SCN8A: variants seen among roughly 807,000 people sequenced by gnomAD.
SCN8A encodes the protein sodium channel protein type 8 subunit alpha.
A neutral mutation model predicts 184.1 loss-of-function variants in SCN8A; 30 were observed. The ratio of observed to expected loss-of-function variants is 0.16; its 90% CI spans 0.12 to 0.22. The LOEUF is 0.22. Ranked by LOEUF, SCN8A falls within the 10% of genes least tolerant of loss-of-function variation. The pLI, the probability that SCN8A is intolerant of heterozygous loss-of-function variation, is 1.00. For missense variants in SCN8A, 1,057 were observed against 2,498.9 expected, an observed-to-expected ratio of 0.42 and a Z score of 12.30; for synonymous variants, 852 against 907.0, an observed-to-expected ratio of 0.94 and a Z score of 1.09.
At chr12:51,799,397 A>G (rs1339703016) in intron 26 of SCN8A, among the ~76,000 whole-genome samples, 5 of 152,328 alleles carry the variant, frequency 3.3e-5, no homozygotes, top group African/African-American at 7.2e-5. Context: ...TGGGTGACCC[A>G]TGGTCAAACG....
rs938322848 is a variant in SCN8A, at chr12:51,807,030, T to C, written c.5544T>C (p.Leu1848=). ...ATCGCATCCACTGCTTGGACATCCTTTTTGCCTTCACCAAGCGGGTCCTGG... is the reference window on the plus strand; with the variant it reads ...ATCGCATCCACTGCTTGGACATCCTCTTTGCCTTCACCAAGCGGGTCCTGG... ...SGDRIHCLDI[L]FAFTKRVLGD... The change falls in exon 27 of 27, where the codon CTT becomes CTC. Residue 1848 remains leucine (L), a synonymous_variant. Coordinates refer to ENST00000627620, the MANE Select transcript of SCN8A (RefSeq NM_001330260.2). The surrounding 1 kb of genome is among the most constrained non-coding windows in gnomAD (Gnocchi z 4.5). 6.2e-7 allele frequency: 1 copy of C among 1,613,948 alleles called. No homozygotes were observed. The highest frequency in any genetic ancestry group is 8.5e-7 in the Non-Finnish European group (1 of 1,179,882).
chr12:51,694,416 C>G (rs1407418890), intron 6 of SCN8A, among the ~76,000 whole-genome samples: 1 of 152,196 alleles, frequency 6.6e-6, no homozygotes, highest in Non-Finnish European at 1.5e-5. Flanking sequence ...AATTCTTCAC[C>G]TGCTTCTTAA....
At chr12:51,739,436 G>A (rs890195078) in intron 12 of SCN8A, among the ~76,000 whole-genome samples, 1 of 152,062 alleles carries the variant, frequency 6.6e-6, no homozygotes, top group African/African-American at 2.4e-5. Context: ...TAATAAGGAG[G>A]GGGTGCAGAA....
intron 12 of SCN8A, among the ~76,000 whole-genome samples, chr12:51,744,992 A>G (rs1390400404): frequency 1.3e-5 from 2 of 152,110 alleles, no homozygotes; most frequent in East Asian, 3.9e-4. Flanking sequence ...CCAAGTCTAC[A>G]TGGGTGATAT....
chr12:51,723,632 T>G (rs1238121943), intron 12 of SCN8A, among the ~76,000 whole-genome samples: 1 of 152,218 alleles, frequency 6.6e-6, no homozygotes, highest in Non-Finnish European at 1.5e-5. Context: ...TCCCAGCACC[T>G]TGGGAGGCCA....
intron 1 of SCN8A, among the ~76,000 whole-genome samples, chr12:51,617,168 GC>G (rs1939858246): frequency 6.6e-6 from 1 of 152,078 alleles, no homozygotes; most frequent in South Asian, 2.1e-4. Flanking sequence ...GGAAGTTTTA[GC>G]CATTGTTTCT....
At position 51,807,199 on chromosome 12, in the gene SCN8A, G is replaced by T. The variant is rs1209537535; in HGVS notation, c.5713G>T (p.Ala1905Ser). The change falls in exon 27 of 27, where the codon GCC becomes TCC. Residue 1905 changes from alanine (A) to serine (S), a missense_variant. By Grantham distance (99) the Ala-to-Ser change is moderately conservative. Coordinates refer to ENST00000627620, the MANE Select transcript of SCN8A (RefSeq NM_001330260.2). This position sits in a 1 kb window ranked among gnomAD's most constrained non-coding sequence, Gnocchi z 4.5. ...GGTATCTGCAGTGGTCCTGCAGCGTGCCTACCGGGGACATTTGGCAAGGCG... is the reference window on the plus strand; with the variant it reads ...GGTATCTGCAGTGGTCCTGCAGCGTTCCTACCGGGGACATTTGGCAAGGCG... ...EEVSAVVLQR[A>S]YRGHLARRGF... 1 of 1,613,842 alleles carries T rather than the reference G, an allele frequency of 6.2e-7. No homozygotes were observed. The highest frequency in any genetic ancestry group is 8.5e-7 in the Non-Finnish European group (1 of 1,179,900).
At chr12:51,616,918 CAA>C (rs200949853) in intron 1 of SCN8A, among the ~76,000 whole-genome samples, 26 of 107,278 alleles carry the variant, frequency 2.4e-4, no homozygotes, top group Non-Finnish European at 2.4e-4. Context: ...GACCCTGTCT[CAA>C]AAAAAAAAAA....
At position 51,699,553 on chromosome 12, in the gene SCN8A, G is replaced by A. The variant is rs766625236; in HGVS notation, c.707-17G>A. 6.3e-7 allele frequency: 1 copy of A among 1,596,104 alleles called. No homozygotes were observed. The highest frequency in any genetic ancestry group is 2.2e-5 in the East Asian group (1 of 44,512). The stretch of plus-strand genomic sequence containing the variant: ...GGCTTTGAGGTGCCTCTGATTCCGG[G>A]GATTCTGTCTCCTCAGGCCTGAAGA... On this transcript the variant is annotated splice_polypyrimidine_tract_variant and intron_variant, in intron 6 of 26. Transcript: ENST00000627620.
At chr12:51,696,806 G>A (rs1001220886) in intron 6 of SCN8A, among the ~76,000 whole-genome samples, 2 of 151,978 alleles carry the variant, frequency 1.3e-5, no homozygotes, top group African/African-American at 2.4e-5. Context: ...CAAGGTGGGC[G>A]GACGACCTGA....
At chr12:51,791,343 C>T (rs752111673) in intron 25 of SCN8A, among the ~76,000 whole-genome samples, 1 of 152,178 alleles carries the variant, frequency 6.6e-6, no homozygotes, top group African/African-American at 2.4e-5. Flanking sequence ...CTCACCCCCA[C>T]ACGCCGCACG....
rs192944542 is a variant in SCN8A, at chr12:51,681,253, A to G, written c.277-2921A>G. ...CACGTTGCCACTGAACTGCCTCCCAATCTGGCACAGTGGAAGCTGTTGAGA... is the reference window on the plus strand; with the variant it reads ...CACGTTGCCACTGAACTGCCTCCCAGTCTGGCACAGTGGAAGCTGTTGAGA... On this transcript the variant is annotated intron_variant, in intron 2 of 26. Coordinates refer to ENST00000627620, the MANE Select transcript of SCN8A (RefSeq NM_001330260.2). Among the ~76,000 whole-genome samples, 6 of 152,160 alleles carry G rather than the reference A, an allele frequency of 3.9e-5. No homozygotes were observed. The East Asian group carries it at 5.8e-4, about 15-fold the overall frequency.
At chr12:51,605,688 T>G (rs1939574996) in intron 1 of SCN8A, among the ~76,000 whole-genome samples, 1 of 152,234 alleles carries the variant, frequency 6.6e-6, no homozygotes, top group African/African-American at 2.4e-5. Flanking sequence ...CCATAGCAGC[T>G]GTACTAGTTT....
At chr12:51,705,718 A>G (rs1941772364) in intron 10 of SCN8A, 95 bp downstream of exon 10, 1 of 1,113,746 alleles carries the variant, frequency 9.0e-7, no homozygotes, top group East Asian at 2.6e-5. Flanking sequence ...TTCTAGGCAT[A>G]TTTTCAAATA....
Position 51,721,915 on chromosome 12 carries a change from A to C in SCN8A, c.1998+7A>C, listed in dbSNP as rs1420786793. The C allele has an allele frequency of 6.3e-7, 1 of 1,599,704 alleles. No homozygotes were observed. Among genetic ancestry groups the C allele is most frequent in the African/African-American group, 1.3e-5 (1 of 74,902 alleles). ...CGGGCGTCTCCTGCCAGAGGTGAAA[A>C]TTGATAAGGCAGCTACCGATGACAG... is the stretch of plus-strand genomic sequence containing the variant. On this transcript the variant is annotated splice_region_variant and intron_variant, in intron 12 of 26. Transcript: ENST00000627620.
intron 7 of SCN8A, among the ~76,000 whole-genome samples, chr12:51,700,182 C>A (rs11169905): frequency 0.82 from 121,419 of 147,362 alleles, 51,242 homozygotes; most frequent in East Asian, 0.97. Context: ...AAAAAAAAAA[C>A]AAAAAAAAAA....
At chr12:51,801,310 C>G (rs1396085298) in intron 26 of SCN8A, among the ~76,000 whole-genome samples, 1 of 152,206 alleles carries the variant, frequency 6.6e-6, no homozygotes, top group Non-Finnish European at 1.5e-5. Context: ...GCAGTTCCCA[C>G]TGTAAGATCT....
intron 26 of SCN8A, 101 bp downstream of exon 26, chr12:51,794,742 A>G: frequency 8.6e-7 from 1 of 1,163,876 alleles, no homozygotes; most frequent in Non-Finnish European, 1.2e-6. Flanking sequence ...TCTGAAGTGC[A>G]GGCAAGATAC....
chr12:51,756,730 C>T (rs1188478093), intron 14 of SCN8A, among the ~76,000 whole-genome samples: 1 of 152,208 alleles, frequency 6.6e-6, no homozygotes, highest in East Asian at 1.9e-4. Flanking sequence ...ATGTCTGACT[C>T]TCCTTGCTGG....
Sources: gnomAD v4.1 joint callset for allele counts (sites outside exome capture counted in the v4.1 genomes callset) on GRCh38, gnomAD v4.1.1 for gene constraint, Gnocchi (gnomAD v3.1) non-coding constraint, MANE v1.5 for transcripts, NCBI Gene and HGNC (gene_info 2026-07-23, HGNC 2026-07-21) for gene names.